PEBP4: variants seen among roughly 807,000 people sequenced by gnomAD.
PEBP4 encodes the protein phosphatidylethanolamine binding protein 4, also known as phosphatidylethanolamine-binding protein 4.
A neutral mutation model predicts 23.9 loss-of-function variants in PEBP4; 22 were observed. The observed-to-expected ratio is 0.92, with a 90% CI of 0.66 to 1.31. The LOEUF is 1.31. Ranked by LOEUF, PEBP4 falls within the 40% of genes most tolerant of loss-of-function variation. The pLI is 0.00. For synonymous variants in PEBP4, 112 were observed against 99.3 expected (o/e 1.13, Z -0.76); for missense variants, 324 against 281.7 (o/e 1.15, Z -1.07).
At chr8:22,832,140 G>T (rs1455879930) in intron 3 of PEBP4, among the ~76,000 whole-genome samples, 1 of 152,152 alleles carries the variant, frequency 6.6e-6, no homozygotes, top group East Asian at 1.9e-4. Context: ...ATTCCTGGAG[G>T]CAGACCAGTG....
At chr8:22,729,579 C>A (rs1207396179) in intron 4 of PEBP4, among the ~76,000 whole-genome samples, 23 of 152,202 alleles carry the variant, frequency 1.5e-4, no homozygotes, top group Admixed American at 3.3e-4. Flanking sequence ...CTCTGGGGAG[C>A]TTTTCTTATC....
At chr8:22,730,620 A>G (rs1295116976) in intron 4 of PEBP4, among the ~76,000 whole-genome samples, 1 of 152,228 alleles carries the variant, frequency 6.6e-6, no homozygotes, top group African/African-American at 2.4e-5. Context: ...ATGAGATTCA[A>G]GGAAGTTTCA....
chr8:22,773,271 C>A (rs939823273), intron 4 of PEBP4, among the ~76,000 whole-genome samples: 53 of 152,154 alleles, frequency 3.5e-4, no homozygotes, highest in African/African-American at 1.3e-3. Flanking sequence ...AAAGGCAGTT[C>A]GCTCAAGCAC....
intron 4 of PEBP4, among the ~76,000 whole-genome samples, chr8:22,791,550 G>A (rs773621362): frequency 2.0e-5 from 3 of 151,816 alleles, no homozygotes; most frequent in African/African-American, 7.3e-5. Flanking sequence ...CTCTCTGTGC[G>A]TTCGCGCGTG....
intron 3 of PEBP4, among the ~76,000 whole-genome samples, chr8:22,866,400 T>G (rs1807903625): frequency 6.6e-6 from 1 of 152,200 alleles, no homozygotes; most frequent in Admixed American, 6.5e-5. Flanking sequence ...AGCCACTCTC[T>G]GACCTCAAGG....
At chr8:22,930,848 C>T (rs566361369), upstream of PEBP4, among the ~76,000 whole-genome samples, 5 of 152,250 alleles carry the variant, frequency 3.3e-5, no homozygotes, top group African/African-American at 7.2e-5. Context: ...ATCACCACCC[C>T]GGCTCCTGGA....
At chr8:22,726,368 G>A (rs1206531869) in intron 5 of PEBP4, among the ~76,000 whole-genome samples, 1 of 152,214 alleles carries the variant, frequency 6.6e-6, no homozygotes, top group Non-Finnish European at 1.5e-5. Context: ...ACTTGACGCT[G>A]CCCAAAACTG....
intron 4 of PEBP4, among the ~76,000 whole-genome samples, chr8:22,756,406 C>T (rs868554911): frequency 7.2e-5 from 11 of 152,198 alleles, no homozygotes; most frequent in South Asian, 2.1e-4. Flanking sequence ...GACTGAACTC[C>T]TCGTCAACAC....
intron 3 of PEBP4, among the ~76,000 whole-genome samples, chr8:22,861,810 C>T (rs1807782668): frequency 1.3e-5 from 2 of 152,098 alleles, no homozygotes; most frequent in Admixed American, 1.3e-4. Flanking sequence ...GGGTGGTGGA[C>T]AGGAGAAAAT....
intron 3 of PEBP4, among the ~76,000 whole-genome samples, chr8:22,850,208 T>C (rs1446924736): frequency 2.0e-5 from 3 of 152,192 alleles, no homozygotes; most frequent in African/African-American, 4.8e-5. Context: ...CTTGTTCTTC[T>C]TCTTACTGCA....
chr8:22,722,149 C>A (rs1035730866), intron 6 of PEBP4, among the ~76,000 whole-genome samples: 1 of 151,414 alleles, frequency 6.6e-6, no homozygotes, highest in East Asian at 1.9e-4. Context: ...TTCTGAGAAC[C>A]TTGTTTTTCC....
At chr8:22,924,608 G>C (rs184326435) in intron 2 of PEBP4, 1 of 960,208 alleles carries the variant, frequency 1.0e-6, no homozygotes, top group African/African-American at 1.8e-5. Context: ...GGGTAAGAAT[G>C]TACTTTCTGA....
At chr8:22,838,638 G>A (rs547237727) in intron 3 of PEBP4, among the ~76,000 whole-genome samples, 2 of 152,274 alleles carry the variant, frequency 1.3e-5, no homozygotes, top group East Asian at 1.9e-4. Flanking sequence ...CTAAAAGCTA[G>A]GCCGGGGCCT....
chr8:22,812,525 G>A (rs958978801), intron 4 of PEBP4, among the ~76,000 whole-genome samples: 12 of 152,164 alleles, frequency 7.9e-5, no homozygotes, highest in African/African-American at 1.9e-4. Context: ...CCTAAGTCAC[G>A]CCTTTTAGCT....
intron 4 of PEBP4, among the ~76,000 whole-genome samples, chr8:22,764,817 G>A (rs1412987512): frequency 6.6e-6 from 1 of 152,006 alleles, no homozygotes; most frequent in Non-Finnish European, 1.5e-5. Context: ...TCCCCAAATG[G>A]CAACATTCAG....
At chr8:22,810,510 C>T (rs970414116) in intron 4 of PEBP4, among the ~76,000 whole-genome samples, 5 of 152,064 alleles carry the variant, frequency 3.3e-5, no homozygotes, top group African/African-American at 4.8e-5. Context: ...AGCCCGGGTT[C>T]CTCATGTCAG....
chr8:22,848,715 A>G (rs1360767220), intron 3 of PEBP4, among the ~76,000 whole-genome samples: 6 of 152,228 alleles, frequency 3.9e-5, no homozygotes, highest in Non-Finnish European at 5.9e-5. Context: ...TAGCTGTGGC[A>G]AGGAGAAAGG....
At chr8:22,728,164 G>A (rs1203842683) in intron 4 of PEBP4, among the ~76,000 whole-genome samples, 1 of 152,192 alleles carries the variant, frequency 6.6e-6, no homozygotes, top group Non-Finnish European at 1.5e-5. Context: ...ATGGGATGCT[G>A]GGAGGATGGG....
intron 4 of PEBP4, among the ~76,000 whole-genome samples, chr8:22,779,336 A>G (rs1290844493): frequency 6.6e-6 from 1 of 152,186 alleles, no homozygotes; most frequent in African/African-American, 2.4e-5. Context: ...CAATTTACAA[A>G]GAATCTGAGC....
Sources: allele counts gnomAD v4.1 joint callset (sites outside exome capture counted in the v4.1 genomes callset), GRCh38; gene constraint gnomAD v4.1.1; transcripts MANE v1.5; gene names NCBI Gene and HGNC (gene_info 2026-07-23, HGNC 2026-07-21).